Variants in GALNTL6 observed in about 807,000 individuals in gnomAD.
GALNTL6 encodes the protein polypeptide N-acetylgalactosaminyltransferase like 6.
A neutral mutation model predicts 73.7 loss-of-function variants in GALNTL6; 46 were observed. The ratio of observed to expected loss-of-function variants is 0.62; its 90% CI spans 0.49 to 0.80. GALNTL6 has a LOEUF of 0.80. GALNTL6 is among the 30% of genes least tolerant of loss of function. The probability of loss-of-function intolerance (pLI) is 0.00; values close to 1 mark genes in which losing one functional copy is unlikely to be tolerated. For synonymous variants in GALNTL6, 259 were observed against 263.7 expected, an observed-to-expected ratio of 0.98 and a Z score of 0.17; for missense variants, 604 against 755.0, an observed-to-expected ratio of 0.80 and a Z score of 2.34.
intron 5 of GALNTL6, among the ~76,000 whole-genome samples, chr4:172,432,232 A>G (rs550764464): frequency 9.9e-5 from 15 of 151,808 alleles, no homozygotes; most frequent in Admixed American, 3.3e-4. Context: ...GTTGTACTTT[A>G]TACTTGAGGA....
At chr4:172,669,599 T>C (rs2111200734) in intron 5 of GALNTL6, among the ~76,000 whole-genome samples, 1 of 152,326 alleles carries the variant, frequency 6.6e-6, no homozygotes, top group Middle Eastern at 3.4e-3. Context: ...ATTTTGGAAT[T>C]TTTTTGTAAG....
At chr4:172,076,390 G>C (rs554732808) in intron 2 of GALNTL6, among the ~76,000 whole-genome samples, 61 of 152,306 alleles carry the variant, frequency 4.0e-4, no homozygotes, top group African/African-American at 1.4e-3. Context: ...TTGTAACACT[G>C]ATGGGATAAT....
At chr4:171,975,090 A>T (rs1421358614) in intron 2 of GALNTL6, among the ~76,000 whole-genome samples, 1 of 152,202 alleles carries the variant, frequency 6.6e-6, no homozygotes, top group African/African-American at 2.4e-5. Flanking sequence ...TCTACCTGTA[A>T]TGCATAGTGA....
intron 5 of GALNTL6, among the ~76,000 whole-genome samples, chr4:172,474,610 TG>T (rs1349848385): frequency 6.6e-6 from 1 of 152,124 alleles, no homozygotes; most frequent in Non-Finnish European, 1.5e-5. Flanking sequence ...TATATAAGAG[TG>T]AAGAATCTTC....
chr4:172,436,944 T>G (rs336003), intron 5 of GALNTL6, among the ~76,000 whole-genome samples: 128,800 of 151,936 alleles, frequency 0.85, 54,703 homozygotes, highest in Non-Finnish European at 0.88. Flanking sequence ...TTTTAAAATA[T>G]GCTTTTTAAA....
At chr4:172,313,352 T>C (rs1431041519) in intron 4 of GALNTL6, among the ~76,000 whole-genome samples, 2 of 152,044 alleles carry the variant, frequency 1.3e-5, no homozygotes, top group African/African-American at 4.8e-5. Flanking sequence ...CTCGATCTCC[T>C]GACCTCGTGA....
chr4:172,576,087 C>T (rs1198049630), intron 5 of GALNTL6, among the ~76,000 whole-genome samples: 1 of 152,086 alleles, frequency 6.6e-6, no homozygotes, highest in Non-Finnish European at 1.5e-5. Flanking sequence ...CTAAGTACTT[C>T]TTTTATTTAA....
At chr4:171,863,463 T>A (rs1045494733) in intron 2 of GALNTL6, among the ~76,000 whole-genome samples, 1 of 152,192 alleles carries the variant, frequency 6.6e-6, no homozygotes, top group Non-Finnish European at 1.5e-5. Flanking sequence ...TGCTACCCTG[T>A]TTTCTTTAAA....
At chr4:172,936,534 A>C (rs893471219) in intron 9 of GALNTL6, among the ~76,000 whole-genome samples, 1 of 152,232 alleles carries the variant, frequency 6.6e-6, no homozygotes, top group African/African-American at 2.4e-5. Flanking sequence ...CCACCGTCTC[A>C]GCCCAAAATC....
chr4:172,459,150 A>G (rs1176077200), intron 5 of GALNTL6, among the ~76,000 whole-genome samples: 1 of 152,246 alleles, frequency 6.6e-6, no homozygotes, highest in East Asian at 1.9e-4. Context: ...AAGGCCTTCG[A>G]TAAAATTCAA....
intron 2 of GALNTL6, among the ~76,000 whole-genome samples, chr4:172,151,299 G>A (rs901987384): frequency 6.6e-6 from 1 of 152,054 alleles, no homozygotes; most frequent in Non-Finnish European, 1.5e-5. Context: ...ATAAAACCAC[G>A]AGATAAAGTT....
At chr4:172,963,924 G>T (rs1355115013) in intron 10 of GALNTL6, among the ~76,000 whole-genome samples, 1 of 152,170 alleles carries the variant, frequency 6.6e-6, no homozygotes, top group Non-Finnish European at 1.5e-5. Context: ...TACTTAAAAG[G>T]CAGAAGAGAT....
chr4:173,034,221 C>T (rs768648696), intron 12 of GALNTL6, among the ~76,000 whole-genome samples: 2 of 152,134 alleles, frequency 1.3e-5, no homozygotes, highest in Admixed American at 6.5e-5. Context: ...TGAATCATTG[C>T]GGTAGCCTCT....
At chr4:172,969,715 G>T (rs1279144458) in intron 10 of GALNTL6, among the ~76,000 whole-genome samples, 1 of 152,164 alleles carries the variant, frequency 6.6e-6, no homozygotes, top group African/African-American at 2.4e-5. Flanking sequence ...ATGAAGGTGG[G>T]TGCTATGATT....
chr4:172,154,826 TTCTC>T (rs1398811793), intron 2 of GALNTL6, among the ~76,000 whole-genome samples: 5 of 152,322 alleles, frequency 3.3e-5, no homozygotes, highest in East Asian at 1.9e-4. Context: ...TGAAAATTAT[TTCTC>T]TCTCTAAGTC....
intron 2 of GALNTL6, among the ~76,000 whole-genome samples, chr4:171,825,254 G>A (rs1238131886): frequency 6.6e-6 from 1 of 152,032 alleles, no homozygotes; most frequent in African/African-American, 2.4e-5. Context: ...AGAATAATGC[G>A]GCTGGAGACC....
chr4:172,724,762 G>A (rs1489058640), intron 5 of GALNTL6, among the ~76,000 whole-genome samples: 4 of 151,858 alleles, frequency 2.6e-5, no homozygotes, highest in Non-Finnish European at 5.9e-5. Flanking sequence ...CCAAAGTTTG[G>A]GGAAAAAATA....
intron 5 of GALNTL6, among the ~76,000 whole-genome samples, chr4:172,436,370 G>A (rs1731635362): frequency 6.6e-6 from 1 of 152,030 alleles, no homozygotes; most frequent in African/African-American, 2.4e-5. Flanking sequence ...GAAGTAATGA[G>A]ACACTAGAAT....
At chr4:171,989,949 A>G (rs1000528001) in intron 2 of GALNTL6, among the ~76,000 whole-genome samples, 2 of 152,182 alleles carry the variant, frequency 1.3e-5, no homozygotes, top group Non-Finnish European at 2.9e-5. Context: ...CTTTAGCTCC[A>G]GCCACCTTTT....
Sources: gnomAD v4.1 joint callset for allele counts (sites outside exome capture counted in the v4.1 genomes callset) on GRCh38, gnomAD v4.1.1 for gene constraint, MANE v1.5 for transcripts, NCBI Gene and HGNC (gene_info 2026-07-23, HGNC 2026-07-21) for gene names.